The following EIF4H variants were observed in gnomAD, a reference collection of about 807,000 sequenced individuals.
EIF4H encodes Williams-Beuren syndrome chromosome region 1.
Under a neutral mutation model 30.6 loss-of-function variants are expected in EIF4H, and 8 were observed. The observed-to-expected ratio is 0.26, with a 90% CI of 0.15 to 0.47. EIF4H has a LOEUF of 0.47. EIF4H is among the 20% of genes least tolerant of loss of function. EIF4H has a pLI of 0.99. For missense variants in EIF4H, 188 were observed against 339.5 expected (o/e 0.55, Z 3.51); for synonymous variants, 106 against 122.7 (o/e 0.86, Z 0.90).
At chr7:74,184,544 C>G (rs1012637568) in intron 1 of EIF4H, among the ~76,000 whole-genome samples, 1 of 152,162 alleles carries the variant, frequency 6.6e-6, no homozygotes, top group Admixed American at 6.5e-5. Context: ...CTTTTAACAT[C>G]ATTACGCATC....
In EIF4H at chr7:74,195,260, C is replaced by T. The variant is rs781790871; in HGVS notation, c.699C>T (p.Phe233=). ...NQVANPNSAI[F]GGARPREEVV... The stretch of plus-strand genomic sequence containing the variant: ...TAGCCAATCCCAACTCTGCTATCTT[C>T]GGGGGTGCCAGGCCTAGAGAGGAAG... Residue 233 remains phenylalanine (F), a synonymous_variant, in exon 7 of 7, where the codon TTC becomes TTT. Coordinates refer to ENST00000265753, the MANE Select transcript of EIF4H (RefSeq NM_022170.2). 22 of 1,613,928 alleles carry T rather than the reference C, an allele frequency of 1.4e-5. No individual in the cohort carries two copies. Among genetic ancestry groups the T allele is most frequent in the Middle Eastern group, 1.7e-4 (1 of 6,052 alleles).
At chr7:74,176,394 C>G (rs1482524880) in intron 1 of EIF4H, among the ~76,000 whole-genome samples, 1 of 152,072 alleles carries the variant, frequency 6.6e-6, no homozygotes, top group Non-Finnish European at 1.5e-5. Context: ...TTAGCCACCG[C>G]GCCCGGCCTC....
chr7:74,194,399 C>T (rs1375584632), intron 5 of EIF4H, among the ~76,000 whole-genome samples: 1 of 152,162 alleles, frequency 6.6e-6, no homozygotes, highest in African/African-American at 2.4e-5. Context: ...TAGAGTTCAA[C>T]CTGCTTTGAG....
At position 74,194,785 on chromosome 7, in the gene EIF4H, G is replaced by C; in HGVS notation, c.514G>C (p.Gly172Arg). 1 of 1,600,986 alleles carries C rather than the reference G, an allele frequency of 6.2e-7. No homozygotes were observed. The highest frequency in any genetic ancestry group is 8.6e-7 in the Non-Finnish European group (1 of 1,169,094). Residue 172 changes from glycine to arginine, a missense_variant, in exon 6 of 7, where the codon GGC becomes CGC. This residue lies in a region of EIF4H where 76 missense variants were observed against 85.8 expected (regional missense o/e 0.89). Coordinates refer to ENST00000265753, the MANE Select transcript of EIF4H (RefSeq NM_022170.2). ...FLGGRGGSRP[G>R]DRRTGPPMGS... The stretch of plus-strand genomic sequence containing the variant: ...AGGGGGCAGGGGAGGTAGTCGCCCA[G>C]GCGACCGGCGAACAGGCCCCCCCAT...
At chr7:74,176,427 T>C (rs1398484085) in intron 1 of EIF4H, among the ~76,000 whole-genome samples, 1 of 152,152 alleles carries the variant, frequency 6.6e-6, no homozygotes, top group African/African-American at 2.4e-5. Context: ...TATGTCCACA[T>C]GAACAAATGT....
intron 1 of EIF4H, among the ~76,000 whole-genome samples, chr7:74,186,792 T>A (rs1256488955): frequency 0.02 from 68 of 3,320 alleles, 23 homozygotes; most frequent in Non-Finnish European, 0.032. Context: ...GGAGAAATTT[T>A]TTTTTTTTTT....
chr7:74,174,946 T>A (rs1800803561), intron 1 of EIF4H, among the ~76,000 whole-genome samples: 1 of 152,138 alleles, frequency 6.6e-6, no homozygotes, highest in Non-Finnish European at 1.5e-5. Context: ...GCGATTCCCT[T>A]CCCCTTACGT....
intron 1 of EIF4H, among the ~76,000 whole-genome samples, chr7:74,175,629 AG>A (rs1800821449): frequency 6.6e-6 from 1 of 152,212 alleles, no homozygotes; most frequent in Non-Finnish European, 1.5e-5. Context: ...TAATAAAAAA[AG>A]AAGTAAATGT....
chr7:74,192,726 G>A (rs1801251483), intron 5 of EIF4H, among the ~76,000 whole-genome samples: 1 of 143,462 alleles, frequency 7.0e-6, no homozygotes, highest in Non-Finnish European at 1.5e-5. Flanking sequence ...TGCCCAGGCT[G>A]GAGTGCAGTG....
intron 1 of EIF4H, among the ~76,000 whole-genome samples, chr7:74,186,178 T>G (rs1272883644): frequency 6.6e-6 from 1 of 151,980 alleles, no homozygotes; most frequent in Non-Finnish European, 1.5e-5. Context: ...GGCATTCTTA[T>G]GGCAAATATC....
At chr7:74,190,155 C>A in intron 4 of EIF4H, 92 bp from the exon 5 acceptor site, 2 of 1,349,186 alleles carry the variant, frequency 1.5e-6, no homozygotes, top group Non-Finnish European at 2.1e-6. Flanking sequence ...CCTTCCATCA[C>A]TTGAGTTGTA....
At chr7:74,184,517 C>T (rs1432502396) in intron 1 of EIF4H, among the ~76,000 whole-genome samples, 2 of 152,072 alleles carry the variant, frequency 1.3e-5, no homozygotes, top group Admixed American at 1.3e-4. Context: ...CTGTGAGCTG[C>T]TTACATACAA....
intron 1 of EIF4H, among the ~76,000 whole-genome samples, chr7:74,185,135 G>GTGT (rs1801053065): frequency 6.6e-6 from 1 of 151,864 alleles, no homozygotes; most frequent in Admixed American, 6.6e-5. Context: ...GGGACTACAA[G>GTGT]TGTGGACCAT....
In EIF4H at chr7:74,195,999, G is replaced by A. The variant is rs1180707358; in HGVS notation, c.*691G>A. On this transcript the variant is annotated 3_prime_UTR_variant, in exon 7 of 7. Transcript: ENST00000265753. The stretch of plus-strand genomic sequence containing the variant: ...CACGAGAAACAGTGAGGCTGAAAGG[G>A]GGGGCTATGGAAGAGCGGTAGGGAG... 1 of 152,274 alleles carries A rather than the reference G, an allele frequency of 6.6e-6. No individual in the cohort carries two copies. The highest frequency in any genetic ancestry group is 1.5e-5 in the Non-Finnish European group (1 of 68,090). The allele number at this position is 152,274 out of a possible 1,614,324, so 9.4% of individuals were successfully genotyped here. A position where few individuals can be genotyped will look rare whatever the true frequency, so the allele number is the denominator to read the frequency against.
In EIF4H at chr7:74,174,431, C is replaced by T. The variant is rs1800787872; in HGVS notation, c.48C>T (p.Gly16=). Residue 16 remains glycine (G), a synonymous_variant, in exon 1 of 7, where the codon GGC becomes GGT. Coordinates refer to ENST00000265753, the MANE Select transcript of EIF4H (RefSeq NM_022170.2). ...ACGATCGGGCCTACAGCAGCTTCGG[C>T]GGCGGCAGAGGGTGAGGCGGGCGTG... The part of the protein sequence containing the change: ...TYDDRAYSSF[G]GGRGSRGSAG... 2.1e-6 allele frequency: 3 copies of T among 1,443,500 alleles called. No homozygotes were observed. Among genetic ancestry groups the T allele is most frequent in the East Asian group, 2.9e-5 (1 of 34,084 alleles). 89.4% of individuals were successfully genotyped at this position (1,443,500 alleles called of 1,614,324 possible). A position where few individuals can be genotyped will look rare whatever the true frequency, so the allele number is the denominator to read the frequency against.
At position 74,193,886 on chromosome 7, in the gene EIF4H, C is replaced by T. The variant is rs145116964; in HGVS notation, c.470-855C>T. Among the ~76,000 whole-genome samples the T allele has an allele frequency of 3.9e-5, 6 of 152,280 alleles. No individual in the cohort carries two copies. The East Asian group carries it at 7.7e-4, about 20-fold the overall frequency. ...CCTCCCAAAGTGCTGGGATTACAGG[C>T]GTGAACCAGTCTTTTTACCAAATTT... is the stretch of plus-strand genomic sequence containing the variant. On this transcript the variant is annotated intron_variant, in intron 5 of 6. Coordinates refer to ENST00000265753, the MANE Select transcript of EIF4H (RefSeq NM_022170.2).
At chr7:74,177,601 A>G (rs545368908) in intron 1 of EIF4H, among the ~76,000 whole-genome samples, 30 of 152,210 alleles carry the variant, frequency 2.0e-4, no homozygotes, top group Admixed American at 3.9e-4. Flanking sequence ...AGCAGTGTAT[A>G]AAAACTACAG....
At position 74,195,911 on chromosome 7, in the gene EIF4H, A is replaced by G. The variant is rs1801340575; in HGVS notation, c.*603A>G. On this transcript the variant is annotated 3_prime_UTR_variant, in exon 7 of 7. Coordinates refer to ENST00000265753, the MANE Select transcript of EIF4H (RefSeq NM_022170.2). ...TATCTGCAGGGTCCTTTCCATTCCTATTTAGAGGGAGTCCTGGCTCCATGA... is the reference window on the plus strand; with the variant it reads ...TATCTGCAGGGTCCTTTCCATTCCTGTTTAGAGGGAGTCCTGGCTCCATGA... The G allele has an allele frequency of 6.5e-6, 1 of 153,518 alleles. No individual in the cohort carries two copies. The highest frequency in any genetic ancestry group is 6.6e-5 in the Admixed American group (1 of 15,250). 9.5% of individuals were successfully genotyped at this position (153,518 alleles called of 1,614,324 possible).
At chr7:74,177,573 G>T (rs1800869948) in intron 1 of EIF4H, among the ~76,000 whole-genome samples, 1 of 152,240 alleles carries the variant, frequency 6.6e-6, no homozygotes, top group South Asian at 2.1e-4. Flanking sequence ...TTTAAGATTT[G>T]TATGTAATAG....
Sources: allele counts gnomAD v4.1 joint callset (sites outside exome capture counted in the v4.1 genomes callset), GRCh38; gene constraint gnomAD v4.1.1; regional missense constraint gnomAD v4.1.1; transcripts MANE v1.5; gene names NCBI Gene and HGNC (gene_info 2026-07-23, HGNC 2026-07-21).